The following ADAMTS12 variants were observed in gnomAD, a reference collection of about 807,000 sequenced individuals.
ADAMTS12 encodes the protein A disintegrin and metalloproteinase with thrombospondin motifs 12.
ADAMTS12 carries 118 observed loss-of-function variants against 167.8 expected under a neutral mutation model. The ratio of observed to expected loss-of-function variants is 0.70; its 90% CI spans 0.61 to 0.82. The LOEUF (loss-of-function observed/expected upper bound fraction) is 0.82, where lower values mean the gene tolerates loss of function less well. Among genes scored for constraint, ADAMTS12 ranks in the 40% least tolerant of loss-of-function variants. The pLI, the probability that ADAMTS12 is intolerant of heterozygous loss-of-function variation, is 0.00. For synonymous variants in ADAMTS12, 704 were observed against 716.9 expected (o/e 0.98, Z 0.29); for missense variants, 1,916 against 1,998.8 (o/e 0.96, Z 0.79).
intron 5 of ADAMTS12, among the ~76,000 whole-genome samples, chr5:33,673,183 G>A (rs1468708798): frequency 1.3e-5 from 2 of 152,112 alleles, no homozygotes; most frequent in African/African-American, 2.4e-5. Flanking sequence ...GCTCCTCTGT[G>A]AGCCCTTCTT....
chr5:33,785,023 G>A (rs1458115410), intron 2 of ADAMTS12, among the ~76,000 whole-genome samples: 1 of 152,010 alleles, frequency 6.6e-6, no homozygotes, highest in African/African-American at 2.4e-5. Context: ...CTTGCTCATA[G>A]GTTAATTAAT....
At chr5:33,699,071 T>C (rs1290981235) in intron 3 of ADAMTS12, among the ~76,000 whole-genome samples, 1 of 152,078 alleles carries the variant, frequency 6.6e-6, no homozygotes, top group Non-Finnish European at 1.5e-5. Flanking sequence ...GCAGGAGAAT[T>C]GCTTGAATCC....
chr5:33,872,424 G>A (rs1750073754), intron 2 of ADAMTS12, among the ~76,000 whole-genome samples: 1 of 152,088 alleles, frequency 6.6e-6, no homozygotes, highest in Non-Finnish European at 1.5e-5. Context: ...GCACACCCCT[G>A]TAGTCCCAGC....
intron 2 of ADAMTS12, among the ~76,000 whole-genome samples, chr5:33,785,000 T>TG (rs1354291457): frequency 3.3e-5 from 5 of 152,100 alleles, no homozygotes; most frequent in African/African-American, 1.2e-4. Flanking sequence ...AAGAAAATAG[T>TG]GAGCAGTTAA....
At chr5:33,650,970 T>A (rs1740848659) in intron 7 of ADAMTS12, among the ~76,000 whole-genome samples, 1 of 152,092 alleles carries the variant, frequency 6.6e-6, no homozygotes, top group African/African-American at 2.4e-5. Flanking sequence ...CTGAGAAGAG[T>A]CTTTGGGGGA....
Position 33,641,808 on chromosome 5 carries a change from AC to A in ADAMTS12, c.1718+1del. The A allele has an allele frequency of 6.2e-7, 1 of 1,606,444 alleles. No homozygotes were observed. Among genetic ancestry groups the A allele is most frequent in the Non-Finnish European group, 8.5e-7 (1 of 1,174,980 alleles). On this transcript the variant is annotated splice_donor_variant, in intron 11 of 23. Coordinates refer to ENST00000504830, the MANE Select transcript of ADAMTS12 (RefSeq NM_030955.4). LOFTEE classifies it high-confidence loss of function. ...AAGGGAAATATATTTATCTGGACTCACTCGGGGTTGTTGCAGAGCCTCTCTG... is the reference window on the plus strand; with the variant it reads ...AAGGGAAATATATTTATCTGGACTCATCGGGGTTGTTGCAGAGCCTCTCTG...
chr5:33,813,564 C>T (rs1435691197), intron 2 of ADAMTS12, among the ~76,000 whole-genome samples: 1 of 152,224 alleles, frequency 6.6e-6, no homozygotes, highest in African/African-American at 2.4e-5. Flanking sequence ...AAATTATGCA[C>T]TGCCAGTTCT....
intron 3 of ADAMTS12, among the ~76,000 whole-genome samples, chr5:33,720,481 G>A (rs1474260212): frequency 6.6e-6 from 1 of 152,134 alleles, no homozygotes; most frequent in Non-Finnish European, 1.5e-5. Context: ...AGAAAGACCA[G>A]AACCAAGAAT....
intron 13 of ADAMTS12, among the ~76,000 whole-genome samples, chr5:33,626,559 G>A (rs1739624713): frequency 6.6e-6 from 1 of 151,520 alleles, no homozygotes; most frequent in Admixed American, 6.6e-5. Flanking sequence ...TGGTGGTGGT[G>A]GTGGTGATGT....
At chr5:33,653,132 G>C (rs1316499878) in intron 7 of ADAMTS12, among the ~76,000 whole-genome samples, 1 of 152,086 alleles carries the variant, frequency 6.6e-6, no homozygotes, top group Non-Finnish European at 1.5e-5. Context: ...CAGTGATTTA[G>C]CATTAAGTAT....
intron 6 of ADAMTS12, among the ~76,000 whole-genome samples, chr5:33,660,361 T>A (rs1329789880): frequency 6.6e-6 from 1 of 152,170 alleles, no homozygotes; most frequent in Non-Finnish European, 1.5e-5. Flanking sequence ...AGGTTCAGTT[T>A]CCCTATAATG....
At chr5:33,708,591 A>G (rs1743279820) in intron 3 of ADAMTS12, among the ~76,000 whole-genome samples, 2 of 152,214 alleles carry the variant, frequency 1.3e-5, no homozygotes, top group African/African-American at 4.8e-5. Context: ...TGTGGCACAT[A>G]TACACCATGG....
At chr5:33,877,630 G>A in intron 2 of ADAMTS12, among the ~76,000 whole-genome samples, 1 of 152,326 alleles carries the variant, frequency 6.6e-6, no homozygotes, top group Admixed American at 6.5e-5. Flanking sequence ...GAGAAGGGTA[G>A]TGAAAACGGT....
chr5:33,745,709 G>T (rs1189156184), intron 3 of ADAMTS12, among the ~76,000 whole-genome samples: 2 of 152,024 alleles, frequency 1.3e-5, no homozygotes, highest in Admixed American at 6.5e-5. Context: ...CAAAGAAGAA[G>T]ATTATTTGCA....
intron 3 of ADAMTS12, among the ~76,000 whole-genome samples, chr5:33,708,544 CCCAAGTGCCTAT>C (rs1743278074): frequency 6.6e-6 from 1 of 152,136 alleles, no homozygotes; most frequent in Non-Finnish European, 1.5e-5. Context: ...TTGGAACCAA[CCCAAGTGCCTAT>C]CAATGATAAA....
chr5:33,542,640 G>T (rs1370241641), intron 22 of ADAMTS12, among the ~76,000 whole-genome samples: 1 of 152,134 alleles, frequency 6.6e-6, no homozygotes, highest in East Asian at 1.9e-4. Context: ...AAATGTAAAA[G>T]AACGGAAATC....
intron 2 of ADAMTS12, among the ~76,000 whole-genome samples, chr5:33,844,612 G>T (rs1287729167): frequency 6.6e-6 from 1 of 152,132 alleles, no homozygotes; most frequent in Non-Finnish European, 1.5e-5. Context: ...TGACAATGGT[G>T]CCCGAAACTT....
intron 17 of ADAMTS12, among the ~76,000 whole-genome samples, chr5:33,590,219 T>C (rs1331357181): frequency 6.6e-6 from 1 of 152,248 alleles, no homozygotes; most frequent in South Asian, 2.1e-4. Context: ...GCTACAGGGC[T>C]TTCAGCTGTA....
intron 2 of ADAMTS12, among the ~76,000 whole-genome samples, chr5:33,764,461 T>G (rs1298856920): frequency 6.6e-6 from 1 of 152,234 alleles, no homozygotes; most frequent in Non-Finnish European, 1.5e-5. Flanking sequence ...TCTTCAGCAG[T>G]CTGGTCATTC....
Sources: allele counts gnomAD v4.1 joint callset (sites outside exome capture counted in the v4.1 genomes callset), GRCh38; gene constraint gnomAD v4.1.1; transcripts MANE v1.5; gene names NCBI Gene and HGNC (gene_info 2026-07-23, HGNC 2026-07-21).